DAAM1: variants seen among roughly 807,000 people sequenced by gnomAD.
The protein encoded by DAAM1 is dishevelled associated activator of morphogenesis 1.
DAAM1 carries 52 observed loss-of-function variants against 130.0 expected under a neutral mutation model. That is an observed-to-expected ratio of 0.40 (90% CI 0.32 to 0.50). The LOEUF (loss-of-function observed/expected upper bound fraction) is 0.50. DAAM1 is among the 20% of genes least tolerant of loss of function. The probability of loss-of-function intolerance (pLI) is 0.61; values close to 1 mark genes in which losing one functional copy is unlikely to be tolerated. For synonymous variants in DAAM1, 452 were observed against 444.5 expected (o/e 1.02, Z -0.21); for missense variants, 1,134 against 1,303.8 (o/e 0.87, Z 2.01).
chr14:59,232,786 C>T lies in DAAM1; in HGVS notation c.-37-30655C>T, dbSNP rs117250496. On this transcript the variant is annotated intron_variant, in intron 1 of 24. Coordinates refer to ENST00000360909, the MANE Select transcript of DAAM1 (RefSeq NM_001270520.2). ...ACTAGTGTTTGTCCAAATGCTCTCCCTCCCCTTGCCCCTCACCCCACAACA... is the reference window on the plus strand; with the variant it reads ...ACTAGTGTTTGTCCAAATGCTCTCCTTCCCCTTGCCCCTCACCCCACAACA... Among the ~76,000 whole-genome samples, 45 of 152,162 alleles carry T rather than the reference C, an allele frequency of 3.0e-4. No homozygotes were observed. The East Asian group carries it at 7.9e-3, about 27-fold the overall frequency.
At chr14:59,338,440 G>C in intron 15 of DAAM1, 1 of 1,611,984 alleles carries the variant, frequency 6.2e-7, no homozygotes, top group Non-Finnish European at 8.5e-7. Context: ...CCTAAAGCTT[G>C]CTTAATATAA....
Position 59,331,505 on chromosome 14 carries a change from C to G in DAAM1, c.1857C>G (p.Pro619=). The G allele has an allele frequency of 1.9e-6, 3 of 1,581,432 alleles. No individual in the cohort carries two copies. Among genetic ancestry groups the G allele is most frequent in the South Asian group, 1.1e-5 (1 of 88,040 alleles). Residue 619 remains proline, a synonymous_variant, in exon 14 of 25, where the codon CCC becomes CCG. Transcript: ENST00000360909. ...ALKSFNWSKL[P]ENKLEGTVWT... ...AATCCTTCAACTGGTCTAAACTGCCCGAGGTGAGCCATTTGTTCCAGTTTT... is the reference window on the plus strand; with the variant it reads ...AATCCTTCAACTGGTCTAAACTGCCGGAGGTGAGCCATTTGTTCCAGTTTT...
intron 3 of DAAM1, among the ~76,000 whole-genome samples, chr14:59,309,597 A>G (rs1350749661): frequency 3.9e-5 from 6 of 152,188 alleles, no homozygotes; most frequent in African/African-American, 1.2e-4. Flanking sequence ...TATTCATTCA[A>G]GTGTTCTCTG....
At position 59,325,905 on chromosome 14, in the gene DAAM1, TG is replaced by T. The variant is rs1230745093; in HGVS notation, c.1057-51del. 5 of 1,567,590 alleles carry T rather than the reference TG, an allele frequency of 3.2e-6. No individual in the cohort carries two copies. The African/African-American group carries it at 6.8e-5, about 21-fold the overall frequency. The stretch of plus-strand genomic sequence containing the variant: ...TGTTTGCTTTGAGTTTACTTTACAC[TG>T]GGGAAACTGAGGAACTTAGATGTTT... On this transcript the variant is annotated intron_variant, in intron 9 of 24. Coordinates refer to ENST00000360909, the MANE Select transcript of DAAM1 (RefSeq NM_001270520.2).
rs12185049 is a variant in DAAM1, at chr14:59,272,638, C to T, written c.183+8978C>T. On this transcript the variant is annotated intron_variant, in intron 2 of 24. Transcript: ENST00000360909. ...ACACACACACACACACACATACACA[C>T]ATATATATGTATGTATGTATGTATG... Among the ~76,000 whole-genome samples the T allele has an allele frequency of 6.2e-3, 716 of 115,270 alleles. 4 individuals are homozygous for T. Among genetic ancestry groups the T allele is most frequent in the African/African-American group, 0.011 (310 of 28,004 alleles). 75.6% of individuals were successfully genotyped at this position (115,270 alleles called of 152,430 possible). A position where few individuals can be genotyped will look rare whatever the true frequency, so the allele number is the denominator to read the frequency against.
At position 59,225,059 on chromosome 14, in the gene DAAM1, CCTT is replaced by C. The variant is rs377103791; in HGVS notation, c.-38+36294_-38+36296del. On this transcript the variant is annotated intron_variant, in intron 1 of 24. Transcript: ENST00000360909. ...TTTTTTTTTTTTTGAGACGGAGTCTCCTTCTGTTACCAGGCTGGAGTGCAGTGG... is the reference window on the plus strand; with the variant it reads ...TTTTTTTTTTTTTGAGACGGAGTCTCCTGTTACCAGGCTGGAGTGCAGTGG... 8.8e-3 allele frequency among the ~76,000 whole-genome samples: 1,015 copies of C among 114,810 alleles called. 19 individuals are homozygous for C. Among genetic ancestry groups the C allele is most frequent in the African/African-American group, 0.032 (968 of 30,254 alleles). 75.3% of individuals were successfully genotyped at this position (114,810 alleles called of 152,430 possible). A position where few individuals can be genotyped will look rare whatever the true frequency, so the allele number is the denominator to read the frequency against.
At chr14:59,277,690 C>G (rs1189162903) in intron 2 of DAAM1, among the ~76,000 whole-genome samples, 1 of 151,980 alleles carries the variant, frequency 6.6e-6, no homozygotes, top group Non-Finnish European at 1.5e-5. Context: ...TTTTAAAACT[C>G]TATCCATAGA....
chr14:59,360,877 GT>G lies in DAAM1; in HGVS notation c.2694+17del. ...CAGTAGAGACAGTGAGTATTTTTTT[GT>G]TGTTGTTCTAATTCCTGGTCTCTTC... On this transcript the variant is annotated intron_variant, in intron 22 of 24. Coordinates refer to ENST00000360909, the MANE Select transcript of DAAM1 (RefSeq NM_001270520.2). The G allele has an allele frequency of 6.3e-7, 1 of 1,593,546 alleles. No individual in the cohort carries two copies. Among genetic ancestry groups the G allele is most frequent in the Non-Finnish European group, 8.5e-7 (1 of 1,177,922 alleles).
intron 16 of DAAM1, among the ~76,000 whole-genome samples, chr14:59,340,690 C>T (rs185886892): frequency 6.6e-6 from 1 of 152,266 alleles, no homozygotes; most frequent in East Asian, 1.9e-4. Flanking sequence ...CCAGTTCAGC[C>T]CTGTTCAGAA....
intron 1 of DAAM1, among the ~76,000 whole-genome samples, chr14:59,199,140 A>G (rs1888016077): frequency 1.3e-5 from 2 of 152,176 alleles, no homozygotes; most frequent in African/African-American, 2.4e-5. Context: ...GGCTGGAGCT[A>G]AGCCCCATGA....
At chr14:59,303,306 G>A (rs1884249539) in intron 3 of DAAM1, among the ~76,000 whole-genome samples, 2 of 152,174 alleles carry the variant, frequency 1.3e-5, no homozygotes, top group South Asian at 4.1e-4. Context: ...AGTAATCTGA[G>A]TAAATAGTCT....
chr14:59,291,265 C>G lies in DAAM1; in HGVS notation c.232C>G (p.Pro78Ala), dbSNP rs751940752. 1.9e-6 allele frequency: 3 copies of G among 1,611,334 alleles called. No individual in the cohort carries two copies. The highest frequency in any genetic ancestry group is 1.3e-5 in the African/African-American group (1 of 74,752). Residue 78 changes from proline to alanine, a missense_variant, in exon 3 of 25, where the codon CCA (proline) becomes GCA (alanine). Physicochemically the swap from Pro to Ala is conservative, Grantham distance 27. This residue lies in a region of DAAM1 where 391 missense variants were observed against 521.6 expected (regional missense o/e 0.75). Coordinates refer to ENST00000360909, the MANE Select transcript of DAAM1 (RefSeq NM_001270520.2). ...ACACAGAGAAGCCATGTTTGCACTT[C>G]CAGCTGAGAAAAAATGGCAAATATA... ...DKHREAMFAL[P>A]AEKKWQIYCS...
intron 3 of DAAM1, among the ~76,000 whole-genome samples, chr14:59,303,605 T>C (rs529846867): frequency 1.2e-4 from 19 of 152,164 alleles, no homozygotes; most frequent in Non-Finnish European, 2.9e-5. Flanking sequence ...ATGATCTCAA[T>C]AAGAAATAGG....
intron 3 of DAAM1, among the ~76,000 whole-genome samples, chr14:59,297,216 C>T (rs1271714209): frequency 2.6e-5 from 4 of 152,152 alleles, no homozygotes; most frequent in Non-Finnish European, 4.4e-5. Flanking sequence ...TGCCCTGTTC[C>T]CACATTGCAT....
Position 59,368,740 on chromosome 14 carries a change from T to C in DAAM1, c.3088T>C (p.Leu1030=). The C allele has an allele frequency of 6.2e-7, 1 of 1,613,986 alleles. No homozygotes were observed. Among genetic ancestry groups the C allele is most frequent in the Non-Finnish European group, 8.5e-7 (1 of 1,179,946 alleles). ...SGEFDDLVSA[L]RSGEVFDKDL... is the part of the protein sequence containing the mutation. ...AGAGTTTGATGACCTTGTTTCAGCT[T>C]TACGCTCAGGAGAAGTGTTTGACAA... Residue 1030 remains leucine, a synonymous_variant, in exon 25 of 25, where the codon TTA becomes CTA. Transcript: ENST00000360909.
At chr14:59,228,148 G>A (rs1423254437) in intron 1 of DAAM1, among the ~76,000 whole-genome samples, 1 of 152,010 alleles carries the variant, frequency 6.6e-6, no homozygotes, top group Non-Finnish European at 1.5e-5. Flanking sequence ...ATCATAGGCT[G>A]TAATAATGAA....
In DAAM1 at chr14:59,289,783, T is replaced by TATATATATATATATATATATATAA. The variant is rs966292211; in HGVS notation, c.184-1433_184-1432insTATATATATATATATATATATAAA. On this transcript the variant is annotated intron_variant, in intron 2 of 24. Coordinates refer to ENST00000360909, the MANE Select transcript of DAAM1 (RefSeq NM_001270520.2). ...ACAAAATGTGATATATATATATATATAATGGAATGCTATGCAATCATAAAA... is the reference window on the plus strand; with the variant it reads ...ACAAAATGTGATATATATATATATATATATATATATATATATATATATAAAATGGAATGCTATGCAATCATAAAA... Among the ~76,000 whole-genome samples the TATATATATATATATATATATATAA allele has an allele frequency of 2.1e-3, 290 of 135,146 alleles. 8 individuals are homozygous for TATATATATATATATATATATATAA. The highest frequency in any genetic ancestry group is 3.9e-3 in the Middle Eastern group (1 of 258). The allele number at this position is 135,146 out of a possible 152,430, so 88.7% of individuals were successfully genotyped here. A position where few individuals can be genotyped will look rare whatever the true frequency, so the allele number is the denominator to read the frequency against.
chr14:59,352,042 G>C (rs1465131323), intron 17 of DAAM1, among the ~76,000 whole-genome samples: 2 of 152,164 alleles, frequency 1.3e-5, no homozygotes, highest in Admixed American at 1.3e-4. Flanking sequence ...TAAGAAAATG[G>C]AATGGAAACT....
At chr14:59,230,239 G>C (rs1889061151) in intron 1 of DAAM1, among the ~76,000 whole-genome samples, 1 of 151,790 alleles carries the variant, frequency 6.6e-6, no homozygotes, top group Non-Finnish European at 1.5e-5. Context: ...AGTCTGATTG[G>C]GGCAGCACAG....
Sources: allele counts gnomAD v4.1 joint callset (sites outside exome capture counted in the v4.1 genomes callset), GRCh38; gene constraint gnomAD v4.1.1; regional missense constraint gnomAD v4.1.1; transcripts MANE v1.5; gene names NCBI Gene and HGNC (gene_info 2026-07-23, HGNC 2026-07-21).